PCDHA7: variants seen among roughly 807,000 people sequenced by gnomAD.
PCDHA7 encodes the protein protocadherin alpha-7.
A neutral mutation model predicts 57.2 loss-of-function variants in PCDHA7; 37 were observed. That is an observed-to-expected ratio of 0.65 (90% confidence interval 0.50 to 0.85). The LOEUF is 0.85. Among genes scored for constraint, PCDHA7 ranks in the 40% least tolerant of loss-of-function variants. PCDHA7 has a pLI of 0.00. For synonymous variants in PCDHA7, 553 were observed against 558.8 expected (o/e 0.99, Z 0.15); for missense variants, 1,188 against 1,241.8 (o/e 0.96, Z 0.65).
At chr5:140,870,796 C>T in intron 1 of PCDHA7, 1 of 1,613,694 alleles carries the variant, frequency 6.2e-7, no homozygotes, top group Non-Finnish European at 8.5e-7. Flanking sequence ...GCCGGCACTG[C>T]TGGCGACTCA....
intron 1 of PCDHA7, among the ~76,000 whole-genome samples, chr5:140,922,192 T>A (rs1279791359): frequency 6.6e-6 from 1 of 152,158 alleles, no homozygotes; most frequent in East Asian, 1.9e-4. Context: ...AAAAGTCTTA[T>A]CTTTAATGAA....
chr5:140,855,841 TA>T, intron 1 of PCDHA7: 2 of 638,220 alleles, frequency 3.1e-6, no homozygotes, highest in Non-Finnish European at 2.6e-6. Context: ...TACTTACACC[TA>T]AAGCCACCGG....
chr5:140,850,685 C>G lies in PCDHA7; in HGVS notation c.2355+13947C>G, dbSNP rs1390345550. ...GGTGCTCGGCGATGCCCACCGAGGGCGAGTGCGCGCCTGGCAAGCCGACGC... is the reference window on the plus strand; with the variant it reads ...GGTGCTCGGCGATGCCCACCGAGGGGGAGTGCGCGCCTGGCAAGCCGACGC... On this transcript the variant is annotated intron_variant, in intron 1 of 3. Transcript: ENST00000525929. 25 of 1,598,270 alleles carry G rather than the reference C, an allele frequency of 1.6e-5. 2 individuals are homozygous for G. The highest frequency in any genetic ancestry group is 1.7e-4 in the Middle Eastern group (1 of 6,016).
chr5:140,997,995 T>C (rs573319923), intron 3 of PCDHA7, among the ~76,000 whole-genome samples: 1 of 152,304 alleles, frequency 6.6e-6, no homozygotes, highest in East Asian at 1.9e-4. Flanking sequence ...CATACTTCCC[T>C]CTGAGCCTTC....
At position 140,834,374 on chromosome 5, in the gene PCDHA7, A is replaced by G. The variant is rs1309560066; in HGVS notation, c.-10A>G. 2 of 1,560,000 alleles carry G rather than the reference A, an allele frequency of 1.3e-6. No homozygotes were observed. Among genetic ancestry groups the G allele is most frequent in the Non-Finnish European group, 1.7e-6 (2 of 1,154,842 alleles). On this transcript the variant is annotated 5_prime_UTR_variant, in exon 1 of 4. Transcript: ENST00000525929. ...TTTTGCTGACTAGAAAAACAAGCCA[A>G]TAATTTGAAATGGTGTGCCCGAATG... is the stretch of plus-strand genomic sequence containing the variant.
intron 1 of PCDHA7, chr5:140,851,387 TA>T: frequency 2.1e-6 from 2 of 974,684 alleles, no homozygotes; most frequent in Non-Finnish European, 2.5e-6. Context: ...CAACCTTCAG[TA>T]TCTATTATTT....
At chr5:140,985,317 A>C (rs1457089100) in intron 3 of PCDHA7, among the ~76,000 whole-genome samples, 1 of 152,134 alleles carries the variant, frequency 6.6e-6, no homozygotes, top group Non-Finnish European at 1.5e-5. Flanking sequence ...TGGTGGCCAG[A>C]ATTCAGTAGT....
Position 140,834,392 on chromosome 5 carries a change from C to T in PCDHA7, c.9C>T (p.Cys3=), listed in dbSNP as rs2150216428. 20 of 1,595,562 alleles carry T rather than the reference C, an allele frequency of 1.3e-5. No individual in the cohort carries two copies. Among genetic ancestry groups the T allele is most frequent in the Non-Finnish European group, 6.0e-6 (7 of 1,170,016 alleles). ...CAAGCCAATAATTTGAAATGGTGTG[C>T]CCGAATGGATACGACCCAGGGGGCC... is the stretch of plus-strand genomic sequence containing the variant. MV[C]PNGYDPGGRH... is the part of the protein sequence containing the mutation. Residue 3 remains cysteine, a synonymous_variant, in exon 1 of 4, where the codon TGC becomes TGT. Transcript: ENST00000525929.
chr5:140,871,223 C>G (rs1009797322), intron 1 of PCDHA7: 6 of 1,613,892 alleles, frequency 3.7e-6, no homozygotes, highest in Non-Finnish European at 3.4e-6. Context: ...TGCGTGGTGT[C>G]CAGCCTCCTG....
At chr5:140,927,822 T>C in intron 1 of PCDHA7, 1 of 1,614,152 alleles carries the variant, frequency 6.2e-7, no homozygotes, top group Non-Finnish European at 8.5e-7. Context: ...AGGCATACAT[T>C]GAGGCGAGGG....
intron 1 of PCDHA7, among the ~76,000 whole-genome samples, chr5:140,949,913 A>G (rs554549969): frequency 9.9e-5 from 15 of 151,452 alleles, no homozygotes; most frequent in Admixed American, 2.6e-4. Context: ...TTTAGATATA[A>G]CTATTTTTAG....
chr5:140,955,324 T>G (rs1358791050), intron 1 of PCDHA7, among the ~76,000 whole-genome samples: 8 of 152,186 alleles, frequency 5.3e-5, no homozygotes, highest in Non-Finnish European at 8.8e-5. Flanking sequence ...CCTTGAATTG[T>G]AGTTCCCATA....
chr5:140,954,355 G>A (rs10054520), intron 1 of PCDHA7, among the ~76,000 whole-genome samples: 9 of 152,232 alleles, frequency 5.9e-5, no homozygotes, highest in African/African-American at 1.7e-4. Context: ...TTGAGGAATC[G>A]CCACACAGTC....
intron 1 of PCDHA7, among the ~76,000 whole-genome samples, chr5:140,887,132 T>A (rs2061321769): frequency 6.6e-6 from 1 of 151,950 alleles, no homozygotes; most frequent in Non-Finnish European, 1.5e-5. Context: ...AGTCTCACTC[T>A]GTCGCCCAGG....
Position 140,851,530 on chromosome 5 carries a change from A to AT in PCDHA7, c.2355+14793dup, listed in dbSNP as rs746126939. ...AAAATATGTTTTAAAATGCCTGACA[A>AT]TGTAGATAATTCAAGAAATGTTGAC... is the stretch of plus-strand genomic sequence containing the variant. On this transcript the variant is annotated intron_variant, in intron 1 of 3. Transcript: ENST00000525929. 7.7e-4 allele frequency: 698 copies of AT among 902,810 alleles called. 38 individuals are homozygous for AT. The highest frequency in any genetic ancestry group is 9.1e-4 in the Non-Finnish European group (671 of 740,872). 55.9% of individuals were successfully genotyped at this position (902,810 alleles called of 1,614,324 possible).
chr5:140,927,486 C>T (rs782314357), intron 1 of PCDHA7: 11 of 1,614,010 alleles, frequency 6.8e-6, no homozygotes, highest in Non-Finnish European at 8.5e-6. Flanking sequence ...AGCGCGCCAC[C>T]CACCTGCTGG....
chr5:141,008,400 T>A (rs1347375750), intron 3 of PCDHA7, among the ~76,000 whole-genome samples: 3 of 152,082 alleles, frequency 2.0e-5, no homozygotes, highest in African/African-American at 7.2e-5. Context: ...GATGTCAGAG[T>A]TCCAATGTCA....
At chr5:140,932,525 A>G (rs2088383031) in intron 1 of PCDHA7, among the ~76,000 whole-genome samples, 1 of 151,898 alleles carries the variant, frequency 6.6e-6, no homozygotes, top group Non-Finnish European at 1.5e-5. Flanking sequence ...TGTTTGTGGC[A>G]TTCAAGGTGC....
chr5:140,841,176 A>G, intron 1 of PCDHA7: 24 of 1,081,656 alleles, frequency 2.2e-5, no homozygotes, highest in Non-Finnish European at 3.1e-5. Context: ...TGGTTGGTCA[A>G]TGTTCAAAGT....
Sources: allele counts gnomAD v4.1 joint callset (sites outside exome capture counted in the v4.1 genomes callset), GRCh38; gene constraint gnomAD v4.1.1; transcripts MANE v1.5; gene names NCBI Gene and HGNC (gene_info 2026-07-23, HGNC 2026-07-21).